SLC10A6: variants seen among roughly 807,000 people sequenced by gnomAD.
SLC10A6 encodes solute carrier family 10 member 6, also known as sodium-dependent organic anion transporter.
Under a neutral mutation model 30.0 loss-of-function variants are expected in SLC10A6, and 27 were observed. That is an observed-to-expected ratio of 0.90 (90% CI 0.66 to 1.24). SLC10A6 has a LOEUF of 1.24. SLC10A6 is among the 50% of genes most tolerant of loss of function. The pLI is 0.00. For synonymous variants in SLC10A6, 166 were observed against 173.8 expected, an observed-to-expected ratio of 0.95 and a Z score of 0.36; for missense variants, 439 against 457.0, an observed-to-expected ratio of 0.96 and a Z score of 0.36.
intron 4 of SLC10A6, among the ~76,000 whole-genome samples, chr4:86,826,635 TGAAA>T (rs2149410349): frequency 6.6e-6 from 1 of 152,300 alleles, no homozygotes; most frequent in South Asian, 2.1e-4. Context: ...TTATCTTTGG[TGAAA>T]GAGTTTGGTA....
At chr4:86,840,063 C>T (rs907844152) in intron 1 of SLC10A6, among the ~76,000 whole-genome samples, 1 of 151,654 alleles carries the variant, frequency 6.6e-6, no homozygotes, top group Non-Finnish European at 1.5e-5. Context: ...GTACCCGCCA[C>T]CACACCAGGC....
intron 1 of SLC10A6, among the ~76,000 whole-genome samples, chr4:86,847,286 T>C (rs900684374): frequency 6.6e-6 from 1 of 152,226 alleles, no homozygotes; most frequent in African/African-American, 2.4e-5. Context: ...CATGAAAGCA[T>C]CTATCCCATG....
At chr4:86,845,597 C>G (rs1410061718) in intron 1 of SLC10A6, among the ~76,000 whole-genome samples, 1 of 152,140 alleles carries the variant, frequency 6.6e-6, no homozygotes, top group Non-Finnish European at 1.5e-5. Context: ...TACTGCAAAG[C>G]CGTAATGGAG....
intron 1 of SLC10A6, among the ~76,000 whole-genome samples, chr4:86,834,953 A>G (rs1746155370): frequency 6.6e-6 from 1 of 152,190 alleles, no homozygotes. Context: ...GAACTAACTA[A>G]GCAAGAACTC....
intron 1 of SLC10A6, among the ~76,000 whole-genome samples, chr4:86,847,300 A>C (rs754689725): frequency 6.6e-6 from 1 of 152,242 alleles, no homozygotes; most frequent in Non-Finnish European, 1.5e-5. Flanking sequence ...TCCCATGCCT[A>C]TGGGGCACTT....
chr4:86,842,826 CTT>C (rs1746319764), intron 1 of SLC10A6, among the ~76,000 whole-genome samples: 1 of 37,004 alleles, frequency 2.7e-5, no homozygotes, highest in South Asian at 6.3e-4. Flanking sequence ...TTCTTTCTTT[CTT>C]TCTTTCTTTC....
intron 4 of SLC10A6, among the ~76,000 whole-genome samples, chr4:86,826,581 T>TAAATAAAA (rs1370515747): frequency 6.6e-5 from 8 of 120,786 alleles, no homozygotes; most frequent in South Asian, 2.9e-4. Flanking sequence ...AATAAATAAA[T>TAAATAAAA]AAAAACACAA....
chr4:86,829,112 A>C (rs1035038965), intron 3 of SLC10A6, among the ~76,000 whole-genome samples: 19 of 152,162 alleles, frequency 1.2e-4, no homozygotes, highest in African/African-American at 4.3e-4. Context: ...AAAGATGCTA[A>C]GACAAGAAAG....
chr4:86,830,508 C>G (rs1249231057), intron 3 of SLC10A6, among the ~76,000 whole-genome samples: 1 of 152,184 alleles, frequency 6.6e-6, no homozygotes, highest in African/African-American at 2.4e-5. Flanking sequence ...ATGTTAAAGT[C>G]ATCCATATGC....
At position 86,834,426 on chromosome 4, in the gene SLC10A6, T is replaced by C. The variant is rs542746039; in HGVS notation, c.378-1002A>G. ...GCAACTCACATGGGCTAAGACAAGG[T>C]TTATCCATGTTTTAACATATATCAC... is the stretch of plus-strand genomic sequence containing the variant. On this transcript the variant is annotated intron_variant, in intron 1 of 5. Transcript: ENST00000273905. Among the ~76,000 whole-genome samples the C allele has an allele frequency of 6.6e-5, 10 of 152,336 alleles. 1 individual carries two copies. The East Asian group carries it at 1.9e-3, about 29-fold the overall frequency.
At chr4:86,836,923 A>G (rs933164879) in intron 1 of SLC10A6, among the ~76,000 whole-genome samples, 1 of 151,766 alleles carries the variant, frequency 6.6e-6, no homozygotes, top group African/African-American at 2.4e-5. Flanking sequence ...ACACCCAGGT[A>G]ATTTTTGTAT....
At chr4:86,830,681 T>C (rs1560458717) in intron 3 of SLC10A6, among the ~76,000 whole-genome samples, 1 of 152,146 alleles carries the variant, frequency 6.6e-6, no homozygotes, top group African/African-American at 2.4e-5. Flanking sequence ...CACAGGCATA[T>C]AGAGTGGCAA....
chr4:86,826,796 G>A (rs753087080), intron 4 of SLC10A6, among the ~76,000 whole-genome samples: 9 of 152,122 alleles, frequency 5.9e-5, no homozygotes, highest in Admixed American at 2.6e-4. Flanking sequence ...GCAGTTTCAC[G>A]TCTCCAGTTT....
In SLC10A6 at chr4:86,837,331, A is replaced by G. The variant is rs771737471; in HGVS notation, c.378-3907T>C. 1.2e-3 allele frequency among the ~76,000 whole-genome samples: 155 copies of G among 130,522 alleles called. 20 individuals are homozygous for G. In the East Asian group the frequency reaches 0.024, roughly 20 times the overall value. 85.6% of individuals were successfully genotyped at this position (130,522 alleles called of 152,430 possible). On this transcript the variant is annotated intron_variant, in intron 1 of 5. Coordinates refer to ENST00000273905, the MANE Select transcript of SLC10A6 (RefSeq NM_197965.3). The stretch of plus-strand genomic sequence containing the variant: ...GAAGGAAGGAAGGAAGGAAGGAAGG[A>G]AGGAAGGAAGGAAGGCAGGCAGGCA...
In SLC10A6 at chr4:86,837,272, AAAGAAAGAAAGAAAAAGAAAGGAAGG is replaced by A. The variant is rs1746207195; in HGVS notation, c.378-3874_378-3849del. ...GAAAGAAAGAAAGAAAGAAAGAAAGAAAGAAAGAAAGAAAAAGAAAGGAAGGAAGGAAGGAAGGAAGGAAGGAAGGA... is the reference window on the plus strand; with the variant it reads ...GAAAGAAAGAAAGAAAGAAAGAAAGAAAGGAAGGAAGGAAGGAAGGAAGGA... On this transcript the variant is annotated intron_variant, in intron 1 of 5. Transcript: ENST00000273905. 1.2e-3 allele frequency among the ~76,000 whole-genome samples: 138 copies of A among 110,840 alleles called. 2 individuals carry two copies. Among genetic ancestry groups the A allele is most frequent in the African/African-American group, 4.3e-3 (122 of 28,666 alleles). 72.7% of individuals were successfully genotyped at this position (110,840 alleles called of 152,430 possible).
intron 4 of SLC10A6, 41 bp downstream of exon 4, chr4:86,827,952 T>C (rs965646787): frequency 3.1e-6 from 5 of 1,587,470 alleles, no homozygotes; most frequent in Non-Finnish European, 4.3e-6. Context: ...GTGTGTTAAA[T>C]TTACCTTCCT....
At chr4:86,827,086 C>T (rs1746011244) in intron 4 of SLC10A6, among the ~76,000 whole-genome samples, 1 of 152,186 alleles carries the variant, frequency 6.6e-6, no homozygotes, top group African/African-American at 2.4e-5. Context: ...CTGGAACTCA[C>T]ACCTGCACCA....
intron 1 of SLC10A6, among the ~76,000 whole-genome samples, chr4:86,841,667 C>T (rs938848706): frequency 6.6e-6 from 1 of 152,166 alleles, no homozygotes; most frequent in African/African-American, 2.4e-5. Context: ...CATATATACA[C>T]ATTACATTAA....
In SLC10A6 at chr4:86,823,919, A is replaced by G. The variant is rs1381551957; in HGVS notation, c.920-17T>C. 2 of 1,565,266 alleles carry G rather than the reference A, an allele frequency of 1.3e-6. No homozygotes were observed. Among genetic ancestry groups the G allele is most frequent in the Non-Finnish European group, 1.7e-6 (2 of 1,151,798 alleles). On this transcript the variant is annotated splice_polypyrimidine_tract_variant and intron_variant, in intron 5 of 5. Transcript: ENST00000273905. Reference sequence around the variant, plus strand: ...TCTGATATGCTAGGTGTTAAAACATACAAGTATTAACAATCACTTTAACAA... The same window carrying G: ...TCTGATATGCTAGGTGTTAAAACATGCAAGTATTAACAATCACTTTAACAA...
Sources: allele counts gnomAD v4.1 joint callset (sites outside exome capture counted in the v4.1 genomes callset), GRCh38; gene constraint gnomAD v4.1.1; transcripts MANE v1.5; gene names NCBI Gene and HGNC (gene_info 2026-07-23, HGNC 2026-07-21).